PCF11: variants seen among roughly 807,000 people sequenced by gnomAD.
The protein encoded by PCF11 is pre-mRNA cleavage complex 2 protein Pcf11.
A neutral mutation model predicts 166.1 loss-of-function variants in PCF11; 19 were observed. The observed-to-expected ratio is 0.11, with a 90% confidence interval of 0.08 to 0.17. The LOEUF (loss-of-function observed/expected upper bound fraction) is 0.17, where lower values mean the gene tolerates loss of function less well. PCF11 is among the 10% of genes least tolerant of loss of function. The pLI is 1.00. For missense variants in PCF11, 1,565 were observed against 1,855.5 expected, an observed-to-expected ratio of 0.84 and a Z score of 2.88; for synonymous variants, 663 against 644.1, an observed-to-expected ratio of 1.03 and a Z score of -0.44.
exon 5 of PCF11, chr11:83,166,200 A>T: frequency 6.2e-7 from 1 of 1,612,696 alleles, no homozygotes; most frequent in East Asian, 2.2e-5. Context: ...AGATGAGCAC[A>T]TGAAGTCATC....
chr11:83,178,446 A>T (rs1037674203), intron 11 of PCF11, among the ~76,000 whole-genome samples: 1 of 152,018 alleles, frequency 6.6e-6, no homozygotes, highest in African/African-American at 2.4e-5. Context: ...CTGTATTGAT[A>T]TTCTTAACAT....
Position 83,167,891 on chromosome 11 carries a change from T to A in PCF11, c.2092+386T>A. ...GGAGAAGACATGACGAGCAAGTCTC[T>A]GCTAAAGGTAGAAAAAGTTAAATCA... On this transcript the variant is annotated intron_variant, in intron 7 of 15. Coordinates refer to ENST00000298281, the Ensembl canonical transcript of PCF11. This position sits in a 1 kb window ranked among gnomAD's most constrained non-coding sequence, Gnocchi z 4.2. 1 of 1,301,726 alleles carries A rather than the reference T, an allele frequency of 7.7e-7. No individual in the cohort carries two copies. Among genetic ancestry groups the A allele is most frequent in the Non-Finnish European group, 1.0e-6 (1 of 997,836 alleles). The allele number at this position is 1,301,726 out of a possible 1,614,324, so 80.6% of individuals were successfully genotyped here. A position where few individuals can be genotyped will look rare whatever the true frequency, so the allele number is the denominator to read the frequency against.
At chr11:83,160,881 G>T (rs2135415593) in intron 1 of PCF11, among the ~76,000 whole-genome samples, 1 of 152,278 alleles carries the variant, frequency 6.6e-6, no homozygotes, top group Non-Finnish European at 1.5e-5. Context: ...TCATAGACTT[G>T]AACATATAAA....
chr11:83,184,601 G>T (rs988642446), intron 15 of PCF11, 78 bp from the exon 16 acceptor site: 1 of 938,432 alleles, frequency 1.1e-6, no homozygotes, highest in Admixed American at 2.3e-5. Flanking sequence ...TTCATACAAG[G>T]GTCTTACAAG....
In PCF11 at chr11:83,180,680, TCTTGA is replaced by T. The variant is rs377535400; in HGVS notation, c.3984-320_3984-316del. 1.1e-4 allele frequency: 18 copies of T among 171,072 alleles called. No homozygotes were observed. In the East Asian group the frequency reaches 1.6e-3, roughly 15 times the overall value. The allele number at this position is 171,072 out of a possible 1,614,324, so 10.6% of individuals were successfully genotyped here. A position where few individuals can be genotyped will look rare whatever the true frequency, so the allele number is the denominator to read the frequency against. ...AAATTTAACTGTTCTGCCATGTCCA[TCTTGA>T]CTTGACTCCAAACTAAAATAAGCTA... On this transcript the variant is annotated intron_variant, in intron 11 of 15. Transcript: ENST00000298281.
intron 10 of PCF11, among the ~76,000 whole-genome samples, 184 bp from the exon 11 acceptor site, chr11:83,177,530 C>T (rs1277381745): frequency 6.6e-6 from 1 of 152,126 alleles, no homozygotes; most frequent in African/African-American, 2.4e-5. Flanking sequence ...TTTAAGAAAT[C>T]AGAGTTAACA....
chr11:83,177,998 C>T (rs978557352), intron 11 of PCF11, among the ~76,000 whole-genome samples, 179 bp downstream of exon 11: 2 of 150,700 alleles, frequency 1.3e-5, no homozygotes, highest in African/African-American at 4.9e-5. Flanking sequence ...CTTTGGGAAG[C>T]CTATTTTTAA....
Position 83,157,672 on chromosome 11 carries a change from C to T in PCF11, c.192+41C>T, listed in dbSNP as rs1423213412. ...GCAGCCTCCTATTACTTCTAATACT[C>T]CCTGATTTTAGTGTCAGCCTCATCC... On this transcript the variant is annotated intron_variant, in intron 1 of 15. Transcript: ENST00000298281. The T allele has an allele frequency of 4.5e-6, 7 of 1,559,842 alleles. No individual in the cohort carries two copies. In the African/African-American group the frequency reaches 6.8e-5, roughly 15 times the overall value.
intron 1 of PCF11, among the ~76,000 whole-genome samples, chr11:83,159,511 A>G (rs180997351): frequency 6.6e-6 from 1 of 152,326 alleles, no homozygotes; most frequent in African/African-American, 2.4e-5. Context: ...TAAATGCTGA[A>G]TATAGTGACC....
At chr11:83,170,074 C>T in intron 8 of PCF11, 79 bp downstream of exon 8, 4 of 1,212,664 alleles carry the variant, frequency 3.3e-6, no homozygotes, top group Non-Finnish European at 3.4e-6. Context: ...GTTTTCAGGA[C>T]ATAGTTTATT....
chr11:83,178,649 T>C (rs1287144172), intron 11 of PCF11, among the ~76,000 whole-genome samples: 1 of 151,672 alleles, frequency 6.6e-6, no homozygotes, highest in African/African-American at 2.4e-5. Flanking sequence ...CCGTCTCTAC[T>C]AAAAATACAA....
chr11:83,178,562 G>A (rs1860966479), intron 11 of PCF11, among the ~76,000 whole-genome samples: 1 of 151,954 alleles, frequency 6.6e-6, no homozygotes, highest in Non-Finnish European at 1.5e-5. Context: ...TTGTAAGGCC[G>A]AGGCAGGTGG....
chr11:83,186,111 C>T (rs1050810547), exon 16 of PCF11: 5 of 152,120 alleles, frequency 3.3e-5, no homozygotes, highest in Admixed American at 6.5e-5. Flanking sequence ...AGAATTTGAA[C>T]GTGGCTTTGT....
chr11:83,186,530 C>G (rs370021623), exon 16 of PCF11: 1 of 152,088 alleles, frequency 6.6e-6, no homozygotes, highest in Non-Finnish European at 1.5e-5. Context: ...AGCCACGTGC[C>G]CAGCCTTTAT....
intron 1 of PCF11, chr11:83,158,657 C>CAAA (rs1450256823): frequency 6.6e-6 from 1 of 152,154 alleles, no homozygotes; most frequent in African/African-American, 2.4e-5. Flanking sequence ...AGCTTGTACT[C>CAAA]ACGGTTTAGT....
At chr11:83,170,030 G>T (rs182364524) in intron 8 of PCF11, 35 bp downstream of exon 8, 25 of 1,500,294 alleles carry the variant, frequency 1.7e-5, no homozygotes, top group Non-Finnish European at 1.8e-6. Context: ...GTTGTATGCA[G>T]ATAAGTTAAC....
intron 8 of PCF11, 32 bp from the exon 9 acceptor site, chr11:83,171,786 G>A (rs768206917): frequency 5.6e-6 from 6 of 1,075,544 alleles, no homozygotes; most frequent in Admixed American, 5.2e-5. Context: ...AATATAGAAA[G>A]CATGTTCTTA....
chr11:83,183,023 TTC>T lies in PCF11; in HGVS notation c.4417-13_4417-12del, dbSNP rs769550884. On this transcript the variant is annotated splice_polypyrimidine_tract_variant and intron_variant, in intron 14 of 15. Coordinates refer to ENST00000298281, the Ensembl canonical transcript of PCF11. ...ATGAATACGCACATATTTACTTTTT[TTC>T]TTTTTGCTTCAGATTTATCATCCAT... 7.3e-7 allele frequency: 1 copy of T among 1,376,250 alleles called. No homozygotes were observed. Among genetic ancestry groups the T allele is most frequent in the East Asian group, 2.3e-5 (1 of 43,010 alleles). 85.3% of individuals were successfully genotyped at this position (1,376,250 alleles called of 1,614,324 possible).
chr11:83,164,226 C>T, exon 4 of PCF11: 1 of 1,612,314 alleles, frequency 6.2e-7, no homozygotes, highest in Non-Finnish European at 8.5e-7. Flanking sequence ...CCTTCAACAC[C>T]TGGTACAGTG....
Sources: allele counts gnomAD v4.1 joint callset (sites outside exome capture counted in the v4.1 genomes callset), GRCh38; gene constraint gnomAD v4.1.1; non-coding constraint Gnocchi (gnomAD v3.1); transcripts MANE v1.5; gene names NCBI Gene and HGNC (gene_info 2026-07-23, HGNC 2026-07-21).